FAT1: variants seen among roughly 807,000 people sequenced by gnomAD.
The protein encoded by FAT1 is protocadherin Fat 1.
FAT1 carries 171 observed loss-of-function variants against 329.8 expected under a neutral mutation model. The observed-to-expected ratio is 0.52, with a 90% CI of 0.46 to 0.59. The LOEUF (loss-of-function observed/expected upper bound fraction) is 0.59. Among genes scored for constraint, FAT1 ranks in the 20% least tolerant of loss-of-function variants. FAT1 has a pLI of 0.00. For synonymous variants in FAT1, 2,233 were observed against 2,228.6 expected, an observed-to-expected ratio of 1.00 and a Z score of -0.06; for missense variants, 5,672 against 5,774.4, an observed-to-expected ratio of 0.98 and a Z score of 0.57.
rs776786103 is a variant in FAT1 at position 186,604,411 on chromosome 4, C to A, written c.10514G>T (p.Arg3505Met). 1.2e-6 allele frequency: 2 copies of A among 1,613,660 alleles called. No individual in the cohort carries two copies. The highest frequency in any genetic ancestry group is 1.7e-5 in the Admixed American group (1 of 59,956). Residue 3505 changes from arginine to methionine, a missense_variant, in exon 18 of 27, where the codon AGG becomes ATG. Arg to Met is a moderately conservative substitution (Grantham distance 91). Transcript: ENST00000441802. Reference protein sequence around the residue: ...GVLLTSSAIKRKEKDHYLLQV... With the variant: ...GVLLTSSAIKMKEKDHYLLQV... ...CAGTAAGTAATGATCTTTCTCCTTC[C>A]TCTTGATGGCAGATGATGTCAGGAG... is the stretch of plus-strand genomic sequence containing the variant.
chr4:186,669,861 G>T (rs1024654114), intron 2 of FAT1, among the ~76,000 whole-genome samples: 2 of 152,082 alleles, frequency 1.3e-5, no homozygotes, highest in Non-Finnish European at 2.9e-5. Flanking sequence ...TCCAATAAAC[G>T]GTTCAAAAGT....
intron 10 of FAT1, among the ~76,000 whole-genome samples, 164 bp from the exon 11 acceptor site, chr4:186,617,365 A>C (rs1739762753): frequency 6.6e-6 from 1 of 152,242 alleles, no homozygotes; most frequent in Non-Finnish European, 1.5e-5. Flanking sequence ...TTACAAAAAC[A>C]AGGGCAGCAT....
At chr4:186,684,473 G>C (rs1255333911) in intron 2 of FAT1, among the ~76,000 whole-genome samples, 4 of 152,086 alleles carry the variant, frequency 2.6e-5, no homozygotes, top group South Asian at 2.1e-4. Flanking sequence ...GCTCCTCCCC[G>C]GGATGCACCT....
intron 2 of FAT1, among the ~76,000 whole-genome samples, chr4:186,671,698 C>CA (rs1304414662): frequency 6.2e-4 from 87 of 141,240 alleles, no homozygotes; most frequent in East Asian, 2.7e-3. Flanking sequence ...AACTCCGTCT[C>CA]AAAAAAAAAT....
rs1446725700 is a variant in FAT1 at position 186,597,667 on chromosome 4, A to G, written c.12368+15T>C. ...TGAAAAGGTATGAACCTAAATTTTG[A>G]AAGAAACCATTTACCTTTCTCCCCT... is the stretch of plus-strand genomic sequence containing the variant. On this transcript the variant is annotated intron_variant, in intron 24 of 26. Coordinates refer to ENST00000441802, the MANE Select transcript of FAT1 (RefSeq NM_005245.4). 6.2e-7 allele frequency: 1 copy of G among 1,603,722 alleles called. No homozygotes were observed. Among genetic ancestry groups the G allele is most frequent in the South Asian group, 1.1e-5 (1 of 90,714 alleles).
chr4:186,714,504 G>A (rs1325095650), intron 1 of FAT1, among the ~76,000 whole-genome samples: 1 of 152,074 alleles, frequency 6.6e-6, no homozygotes, highest in Non-Finnish European at 1.5e-5. Flanking sequence ...CCAGCCGGCA[G>A]ATAGAAATTT....
rs1740029836 is a variant in FAT1 at position 186,621,206 on chromosome 4, T to C, written c.5380A>G (p.Ile1794Val). The C allele has an allele frequency of 6.2e-7, 1 of 1,613,908 alleles. No homozygotes were observed. The highest frequency in any genetic ancestry group is 2.2e-5 in the East Asian group (1 of 44,898). Residue 1794 changes from isoleucine to valine, a missense_variant, in exon 10 of 27, where the codon ATT becomes GTT. Coordinates refer to ENST00000441802, the MANE Select transcript of FAT1 (RefSeq NM_005245.4). ...VLTDRNVPLV[I>V]RAADADKDSN... ...TCTTTATCAGCATCAGCTGCTCGAA[T>C]CACCAGTGGGACATTCCTGTCTGTT...
chr4:186,683,637 C>T (rs924906008), intron 2 of FAT1, among the ~76,000 whole-genome samples: 6 of 152,202 alleles, frequency 3.9e-5, no homozygotes, highest in Non-Finnish European at 8.8e-5. Flanking sequence ...TGCTGACCTG[C>T]GGCCCCTGGA....
Position 186,609,983 on chromosome 4 carries a change from C to A in FAT1, c.9886G>T (p.Glu3296Ter). 6.2e-7 allele frequency: 1 copy of A among 1,612,852 alleles called. No homozygotes were observed. The highest frequency in any genetic ancestry group is 8.5e-7 in the Non-Finnish European group (1 of 1,178,956). The change falls in exon 15 of 27, where the codon GAG (glutamate) becomes TAG (stop). Residue 3296 changes from glutamate to a stop codon, truncating the protein, a stop_gained. Transcript: ENST00000441802. LOFTEE classifies it high-confidence loss of function. Reference protein sequence around the residue: ...AVFIIENLDYESSHEYYLTVE... With the variant: ...AVFIIENLDY Reference sequence around the variant, plus strand: ...GTTAGGTAATACTCATGAGAGCTCTCATAATCCAGATTCTCAATGATAAAT... The same window carrying A: ...GTTAGGTAATACTCATGAGAGCTCTAATAATCCAGATTCTCAATGATAAAT...
chr4:186,652,293 G>T (rs996071908), intron 3 of FAT1, among the ~76,000 whole-genome samples: 1 of 152,122 alleles, frequency 6.6e-6, no homozygotes, highest in Non-Finnish European at 1.5e-5. Flanking sequence ...CATTTTATAA[G>T]GTTAACATCA....
chr4:186,644,042 T>G (rs531532832), intron 3 of FAT1, among the ~76,000 whole-genome samples: 1 of 152,202 alleles, frequency 6.6e-6, no homozygotes, highest in Non-Finnish European at 1.5e-5. Context: ...CAAGTTGAGC[T>G]GCCTGAACCA....
chr4:186,642,989 C>G (rs147864814), intron 3 of FAT1, among the ~76,000 whole-genome samples: 1 of 152,150 alleles, frequency 6.6e-6, no homozygotes, highest in African/African-American at 2.4e-5. Context: ...ATTACTTTTA[C>G]GAAGACGAGA....
intron 2 of FAT1, among the ~76,000 whole-genome samples, chr4:186,683,563 C>T (rs1184833258): frequency 2.0e-5 from 3 of 152,194 alleles, no homozygotes; most frequent in Non-Finnish European, 4.4e-5. Flanking sequence ...GTTTTGCTTT[C>T]AAAGGCCACT....
At chr4:186,614,392 GCAC>G (rs1739608573) in intron 11 of FAT1, 48 bp from the exon 12 acceptor site, 1 of 1,244,042 alleles carries the variant, frequency 8.0e-7, no homozygotes, top group Non-Finnish European at 1.1e-6. Flanking sequence ...TTAACAGGCA[GCAC>G]AAACATCAAG....
intron 2 of FAT1, among the ~76,000 whole-genome samples, chr4:186,668,656 T>C (rs1215412460): frequency 6.6e-6 from 1 of 152,208 alleles, no homozygotes; most frequent in Non-Finnish European, 1.5e-5. Context: ...TAGCAGTTCT[T>C]GTTCCTACAC....
At chr4:186,679,420 A>C (rs1257928247) in intron 2 of FAT1, among the ~76,000 whole-genome samples, 3 of 141,838 alleles carry the variant, frequency 2.1e-5, no homozygotes, top group African/African-American at 5.8e-5. Context: ...CTGTCTCAAA[A>C]AAAAAAAAAA....
intron 1 of FAT1, among the ~76,000 whole-genome samples, chr4:186,713,834 C>G (rs1745084248): frequency 6.6e-6 from 1 of 152,040 alleles, no homozygotes; most frequent in African/African-American, 2.4e-5. Flanking sequence ...TACTCAGGAA[C>G]CACCAGCACG....
intron 17 of FAT1, among the ~76,000 whole-genome samples, chr4:186,604,989 C>T (rs534446790): frequency 1.6e-4 from 25 of 151,744 alleles, no homozygotes; most frequent in East Asian, 1.4e-3. Context: ...GAGGCTGAGG[C>T]GGGCGGATCA....
chr4:186,638,120 G>C (rs1740918911), intron 4 of FAT1, among the ~76,000 whole-genome samples: 1 of 152,084 alleles, frequency 6.6e-6, no homozygotes, highest in Admixed American at 6.6e-5. Flanking sequence ...CTATCTTTAA[G>C]ACAGCCAAAT....
Sources: allele counts gnomAD v4.1 joint callset (sites outside exome capture counted in the v4.1 genomes callset), GRCh38; gene constraint gnomAD v4.1.1; transcripts MANE v1.5; gene names NCBI Gene and HGNC (gene_info 2026-07-23, HGNC 2026-07-21).